HDGFL3: variants seen among roughly 807,000 people sequenced by gnomAD.
HDGFL3 encodes hepatoma-derived growth factor-related protein 3.
HDGFL3 carries 6 observed loss-of-function variants against 27.6 expected under a neutral mutation model. That is an observed-to-expected ratio of 0.22 (90% CI 0.12 to 0.43). The LOEUF (loss-of-function observed/expected upper bound fraction) is 0.43. Among genes scored for constraint, HDGFL3 ranks in the 20% least tolerant of loss-of-function variants. The pLI is 1.00. For synonymous variants in HDGFL3, 88 were observed against 88.9 expected (o/e 0.99, Z 0.05); for missense variants, 207 against 250.1 (o/e 0.83, Z 1.16).
At chr15:83,168,712 C>A (rs372471077) in intron 1 of HDGFL3, among the ~76,000 whole-genome samples, 4 of 152,164 alleles carry the variant, frequency 2.6e-5, no homozygotes, top group African/African-American at 9.7e-5. Context: ...CAAAGAAGAA[C>A]TGTACCAATT....
intron 1 of HDGFL3, chr15:83,192,365 T>C: frequency 2.2e-6 from 1 of 447,398 alleles, no homozygotes; most frequent in Non-Finnish European, 4.5e-6. Context: ...CCTGACAGGG[T>C]TGCTAAACAA....
intron 1 of HDGFL3, among the ~76,000 whole-genome samples, chr15:83,168,371 G>A (rs1481531791): frequency 6.6e-6 from 1 of 152,148 alleles, no homozygotes; most frequent in Non-Finnish European, 1.5e-5. Context: ...CCAAAAGCTG[G>A]TTCTTTGAAA....
intron 1 of HDGFL3, among the ~76,000 whole-genome samples, chr15:83,177,314 T>C (rs562450815): frequency 7.9e-5 from 12 of 152,372 alleles, no homozygotes; most frequent in African/African-American, 2.9e-4. Flanking sequence ...TTTGTCCTTG[T>C]CTGAATTTAA....
chr15:83,207,260 AG>A lies in HDGFL3; in HGVS notation c.84+70del. ...GGCTCGGGGCTGAGGCGATGGGGAA[AG>A]GGGGCGGGCGCGCCATCATGAAGGG... On this transcript the variant is annotated intron_variant, in intron 1 of 5. Transcript: ENST00000299633. The surrounding 1 kb of genome is among the most constrained non-coding windows in gnomAD (Gnocchi z 4.8). 9.3e-7 allele frequency: 1 copy of A among 1,071,402 alleles called. No homozygotes were observed. The highest frequency in any genetic ancestry group is 2.8e-5 in the South Asian group (1 of 36,210). The allele number at this position is 1,071,402 out of a possible 1,614,324, so 66.4% of individuals were successfully genotyped here. A position where few individuals can be genotyped will look rare whatever the true frequency, so the allele number is the denominator to read the frequency against.
intron 1 of HDGFL3, among the ~76,000 whole-genome samples, chr15:83,186,753 G>A (rs1387425529): frequency 1.3e-5 from 2 of 152,042 alleles, no homozygotes; most frequent in South Asian, 2.1e-4. Flanking sequence ...GGAGGGGGGC[G>A]AGGGATGAAA....
intron 3 of HDGFL3, chr15:83,115,874 G>A: frequency 1.2e-6 from 2 of 1,614,122 alleles, no homozygotes; most frequent in Non-Finnish European, 1.7e-6. Context: ...TACCAGCGTG[G>A]TGAACCTCAT....
intron 1 of HDGFL3, among the ~76,000 whole-genome samples, chr15:83,206,507 T>C (rs1162170998): frequency 6.6e-6 from 1 of 152,248 alleles, no homozygotes; most frequent in Non-Finnish European, 1.5e-5. Context: ...GTGAATGCTA[T>C]GTATTACATG....
Position 83,136,803 on chromosome 15 carries a change from T to A in HDGFL3, c.*2467A>T. 1 of 723,240 alleles carries A rather than the reference T, an allele frequency of 1.4e-6. No homozygotes were observed. The highest frequency in any genetic ancestry group is 2.2e-6 in the Non-Finnish European group (1 of 459,456). The allele number at this position is 723,240 out of a possible 1,614,324, so 44.8% of individuals were successfully genotyped here. A position where few individuals can be genotyped will look rare whatever the true frequency, so the allele number is the denominator to read the frequency against. On this transcript the variant is annotated 3_prime_UTR_variant, in exon 6 of 6. Transcript: ENST00000299633. Reference sequence around the variant, plus strand: ...ATGTACATTCTTGCTCTGCACTGTATGTGTGAGCTATATGGTATTGTGTAA... The same window carrying A: ...ATGTACATTCTTGCTCTGCACTGTAAGTGTGAGCTATATGGTATTGTGTAA...
At chr15:83,127,746 C>T (rs1225004107), downstream of HDGFL3, 6 of 355,668 alleles carry the variant, frequency 1.7e-5, no homozygotes, top group East Asian at 4.5e-4. Flanking sequence ...AGGTTACACA[C>T]CCAGCATGTG....
chr15:83,126,457 C>T (rs913956286), downstream of HDGFL3, among the ~76,000 whole-genome samples: 3 of 152,102 alleles, frequency 2.0e-5, no homozygotes, highest in Non-Finnish European at 4.4e-5. Context: ...AAGTGAAACT[C>T]ATAATTTAAA....
rs1196692082 is a variant in HDGFL3, at chr15:83,135,700, G to C, written c.*3570C>G. On this transcript the variant is annotated 3_prime_UTR_variant, in exon 6 of 6. Coordinates refer to ENST00000299633, the MANE Select transcript of HDGFL3 (RefSeq NM_016073.4). ...TGTTTTCTGAATAAGTATATAAGTA[G>C]AGAGGGAGGCCATTTTGCAAATGCG... The C allele has an allele frequency of 6.6e-6, 1 of 152,180 alleles. No homozygotes were observed. Among genetic ancestry groups the C allele is most frequent in the Non-Finnish European group, 1.5e-5 (1 of 68,044 alleles). 9.4% of individuals were successfully genotyped at this position (152,180 alleles called of 1,614,324 possible).
chr15:83,191,790 C>T (rs186185712), intron 1 of HDGFL3, among the ~76,000 whole-genome samples: 4 of 152,096 alleles, frequency 2.6e-5, no homozygotes, highest in African/African-American at 2.4e-5. Context: ...TAGACTGATA[C>T]CAGACAAAAG....
chr15:83,205,821 G>C (rs1375992075), intron 1 of HDGFL3, among the ~76,000 whole-genome samples: 1 of 152,162 alleles, frequency 6.6e-6, no homozygotes, highest in Non-Finnish European at 1.5e-5. Flanking sequence ...GCCTCTCTAA[G>C]CAATACTGTA....
chr15:83,173,552 G>A (rs1003574971), intron 1 of HDGFL3, among the ~76,000 whole-genome samples: 11 of 152,048 alleles, frequency 7.2e-5, no homozygotes, highest in Non-Finnish European at 1.5e-4. Context: ...TTACCAATAT[G>A]TTTCTCTGGT....
At chr15:83,159,597 T>C (rs1386635586) in intron 2 of HDGFL3, among the ~76,000 whole-genome samples, 3 of 152,092 alleles carry the variant, frequency 2.0e-5, no homozygotes, top group East Asian at 3.8e-4. Context: ...GAATAGGAGA[T>C]GGATTTTATA....
In HDGFL3 at chr15:83,207,491, T is replaced by C. The variant is rs1419621825; in HGVS notation, c.-77A>G. 3.2e-4 allele frequency: 355 copies of C among 1,106,360 alleles called. No homozygotes were observed. Among genetic ancestry groups the C allele is most frequent in the Non-Finnish European group, 3.9e-4 (339 of 867,166 alleles). The allele number at this position is 1,106,360 out of a possible 1,614,324, so 68.5% of individuals were successfully genotyped here. On this transcript the variant is annotated 5_prime_UTR_variant, in exon 1 of 6. Transcript: ENST00000299633. The surrounding 1 kb of genome is among the most constrained non-coding windows in gnomAD (Gnocchi z 4.8). ...GGCCGCCCCCCCGCGGGCCGACGAA[T>C]TGCGCCGCGCTCCCCGCGGGCCTCA...
chr15:83,163,638 G>C (rs761027304), intron 2 of HDGFL3: 2 of 199,648 alleles, frequency 1.0e-5, no homozygotes, highest in Non-Finnish European at 2.0e-5. Flanking sequence ...ACTTTGTTCT[G>C]TGAAATATGA....
At chr15:83,158,524 C>T (rs986672834) in intron 2 of HDGFL3, among the ~76,000 whole-genome samples, 1 of 152,192 alleles carries the variant, frequency 6.6e-6, no homozygotes, top group Non-Finnish European at 1.5e-5. Flanking sequence ...TTTAGTTACC[C>T]ATGGTCAACT....
chr15:83,152,294 G>A (rs993740989), intron 4 of HDGFL3, among the ~76,000 whole-genome samples: 7 of 152,216 alleles, frequency 4.6e-5, no homozygotes, highest in South Asian at 4.1e-4. Context: ...GGTGGCTCAC[G>A]CCTGTAATCC....
Sources: gnomAD v4.1 joint callset for allele counts (sites outside exome capture counted in the v4.1 genomes callset) on GRCh38, gnomAD v4.1.1 for gene constraint, Gnocchi (gnomAD v3.1) non-coding constraint, MANE v1.5 for transcripts, NCBI Gene and HGNC (gene_info 2026-07-23, HGNC 2026-07-21) for gene names.